SDK1: variants seen among roughly 807,000 people sequenced by gnomAD.
SDK1 encodes protein sidekick-1.
In SDK1, 157 loss-of-function variants were observed where a neutral mutation model predicts 245.5. The observed-to-expected ratio is 0.64, with a 90% CI of 0.56 to 0.73. The LOEUF (loss-of-function observed/expected upper bound fraction) is 0.73. SDK1 is among the 30% of genes least tolerant of loss of function. SDK1 has a pLI of 0.00. For missense variants in SDK1, 3,583 were observed against 3,002.3 expected, an observed-to-expected ratio of 1.19 and a Z score of -4.52; for synonymous variants, 1,647 against 1,278.5, an observed-to-expected ratio of 1.29 and a Z score of -6.15.
intron 5 of SDK1, among the ~76,000 whole-genome samples, chr7:3,884,791 C>T (rs1781298089): frequency 6.6e-6 from 1 of 152,180 alleles, no homozygotes. Context: ...GTGGCTCCTT[C>T]CAACTTGTGA....
At chr7:3,912,650 TC>T (rs1779214759) in intron 5 of SDK1, among the ~76,000 whole-genome samples, 1 of 152,170 alleles carries the variant, frequency 6.6e-6, no homozygotes, top group African/African-American at 2.4e-5. Context: ...GCTTCTGGGC[TC>T]TCCTGCCCCC....
chr7:3,532,705 C>CT (rs1202678912), intron 1 of SDK1, among the ~76,000 whole-genome samples: 1 of 152,176 alleles, frequency 6.6e-6, no homozygotes, highest in Admixed American at 6.5e-5. Context: ...TTGCCTCTCA[C>CT]TTTCTTACCT....
intron 2 of SDK1, among the ~76,000 whole-genome samples, chr7:3,623,973 T>G (rs1249219447): frequency 6.6e-6 from 1 of 152,198 alleles, no homozygotes; most frequent in Non-Finnish European, 1.5e-5. Context: ...TTTTTTCTTT[T>G]GTTTTATAAA....
intron 1 of SDK1, among the ~76,000 whole-genome samples, chr7:3,417,334 C>T (rs1051429194): frequency 2.6e-4 from 39 of 152,142 alleles, no homozygotes; most frequent in African/African-American, 7.5e-4. Flanking sequence ...GCCAGTTCCC[C>T]GACTCTTCGT....
At chr7:3,345,657 A>C (rs995723533) in intron 1 of SDK1, among the ~76,000 whole-genome samples, 2 of 152,172 alleles carry the variant, frequency 1.3e-5, no homozygotes, top group Non-Finnish European at 2.9e-5. Flanking sequence ...AAATTCCAGG[A>C]TGGTGGCACG....
At chr7:3,517,722 G>C (rs985051425) in intron 1 of SDK1, among the ~76,000 whole-genome samples, 2 of 152,126 alleles carry the variant, frequency 1.3e-5, no homozygotes, top group Non-Finnish European at 2.9e-5. Flanking sequence ...TGTATCATCT[G>C]TTCGCCTTGA....
chr7:3,336,610 G>A (rs1780207054), intron 1 of SDK1, among the ~76,000 whole-genome samples: 2 of 147,584 alleles, frequency 1.4e-5, no homozygotes, highest in African/African-American at 2.5e-5. Flanking sequence ...CCACCTCCCC[G>A]CCCCTCCTTT....
intron 4 of SDK1, among the ~76,000 whole-genome samples, chr7:3,681,596 ATACT>A (rs1425390828): frequency 2.6e-5 from 4 of 152,196 alleles, no homozygotes; most frequent in African/African-American, 9.6e-5. Context: ...TTGACATATC[ATACT>A]TACTTACAGT....
intron 1 of SDK1, among the ~76,000 whole-genome samples, chr7:3,575,081 T>G (rs190255707): frequency 6.6e-6 from 1 of 152,138 alleles, no homozygotes. Context: ...ATTCTTACGT[T>G]GAAGTTGACA....
At chr7:3,699,946 G>A (rs900323073) in intron 4 of SDK1, among the ~76,000 whole-genome samples, 3 of 152,132 alleles carry the variant, frequency 2.0e-5, no homozygotes, top group African/African-American at 7.2e-5. Context: ...AATTCTAAAT[G>A]CAGCCAGAGA....
intron 5 of SDK1, among the ~76,000 whole-genome samples, chr7:3,927,377 C>T (rs762996230): frequency 7.2e-5 from 11 of 152,042 alleles, no homozygotes; most frequent in Non-Finnish European, 1.3e-4. Flanking sequence ...GAGCACCTAC[C>T]GTGTGCTGGC....
chr7:3,356,459 A>T (rs1363095894), intron 1 of SDK1, among the ~76,000 whole-genome samples: 1 of 152,104 alleles, frequency 6.6e-6, no homozygotes, highest in Non-Finnish European at 1.5e-5. Context: ...CTGTGTTATA[A>T]TTCATACGAG....
chr7:4,066,089 G>A (rs7801852), intron 19 of SDK1, among the ~76,000 whole-genome samples: 46,677 of 152,030 alleles, frequency 0.31, 11,055 homozygotes, highest in African/African-American at 0.67. Flanking sequence ...GGTGTACTCA[G>A]CTGATACATA....
chr7:3,468,726 C>G (rs1781090036), intron 1 of SDK1, among the ~76,000 whole-genome samples: 1 of 152,162 alleles, frequency 6.6e-6, no homozygotes, highest in African/African-American at 2.4e-5. Context: ...CGTACTGTCT[C>G]TGTTCAATAG....
intron 1 of SDK1, among the ~76,000 whole-genome samples, chr7:3,560,778 G>C (rs1277360883): frequency 1.3e-5 from 2 of 152,066 alleles, no homozygotes; most frequent in East Asian, 1.9e-4. Flanking sequence ...CCCCTCCCCA[G>C]CTCTGCTCTT....
chr7:3,589,429 G>T (rs1452609205), intron 1 of SDK1, among the ~76,000 whole-genome samples: 2 of 152,162 alleles, frequency 1.3e-5, no homozygotes, highest in Non-Finnish European at 2.9e-5. Flanking sequence ...CACCTCCATG[G>T]CGCCTCCCCA....
rs574095913 is a variant in SDK1, at chr7:4,221,950, C to T, written c.5827+586C>T. Among the ~76,000 whole-genome samples the T allele has an allele frequency of 1.1e-4, 16 of 152,248 alleles. No individual in the cohort carries two copies. The East Asian group carries it at 2.9e-3, about 28-fold the overall frequency. On this transcript the variant is annotated intron_variant, in intron 40 of 44. Coordinates refer to ENST00000404826, the MANE Select transcript of SDK1 (RefSeq NM_152744.4). ...TGGGAAATGAGTTTCTGATCGGGTG[C>T]GTCGGATATGACTGCTTGGAGCTAG...
At chr7:3,324,360 A>G (rs4588749) in intron 1 of SDK1, among the ~76,000 whole-genome samples, 93,169 of 151,990 alleles carry the variant, frequency 0.61, 29,627 homozygotes, top group African/African-American at 0.8. Flanking sequence ...AATATTTACT[A>G]GTACCCTAGA....
chr7:3,685,225 AGAG>A (rs1388430418), intron 4 of SDK1, among the ~76,000 whole-genome samples: 2 of 143,350 alleles, frequency 1.4e-5, no homozygotes, highest in South Asian at 2.2e-4. Flanking sequence ...AAAAAAAAAA[AGAG>A]AGAAATGAGG....
Sources: gnomAD v4.1 joint callset for allele counts (sites outside exome capture counted in the v4.1 genomes callset) on GRCh38, gnomAD v4.1.1 for gene constraint, MANE v1.5 for transcripts, NCBI Gene and HGNC (gene_info 2026-07-23, HGNC 2026-07-21) for gene names.